The following FOXN3 variants were observed in gnomAD, a reference collection of about 807,000 sequenced individuals.
FOXN3 encodes forkhead box N3, also known as forkhead box protein N3.
Under a neutral mutation model 38.4 loss-of-function variants are expected in FOXN3, and 7 were observed. The observed-to-expected ratio is 0.18, with a 90% CI of 0.10 to 0.34. The LOEUF is 0.34. FOXN3 is among the 10% of genes least tolerant of loss of function. The pLI, the probability that FOXN3 is intolerant of heterozygous loss-of-function variation, is 1.00. For synonymous variants in FOXN3, 230 were observed against 242.2 expected, an observed-to-expected ratio of 0.95 and a Z score of 0.47; for missense variants, 456 against 613.4, an observed-to-expected ratio of 0.74 and a Z score of 2.71.
At chr14:89,545,977 T>A (rs1894873843) in intron 1 of FOXN3, among the ~76,000 whole-genome samples, 1 of 152,250 alleles carries the variant, frequency 6.6e-6, no homozygotes, top group African/African-American at 2.4e-5. Flanking sequence ...CGTGCAGTCC[T>A]AGGTTCTTAT....
intron 2 of FOXN3, among the ~76,000 whole-genome samples, chr14:89,392,287 G>A (rs1382937471): frequency 6.6e-6 from 1 of 152,156 alleles, no homozygotes; most frequent in Non-Finnish European, 1.5e-5. Context: ...ATATTCCTAA[G>A]TACCTTCCAT....
intron 3 of FOXN3, among the ~76,000 whole-genome samples, chr14:89,305,769 T>C (rs1216803641): frequency 6.6e-6 from 1 of 152,240 alleles, no homozygotes; most frequent in African/African-American, 2.4e-5. Flanking sequence ...GAATGATTCT[T>C]ATTAAACGGA....
At chr14:89,313,414 T>C (rs1286400325) in intron 3 of FOXN3, among the ~76,000 whole-genome samples, 1 of 152,074 alleles carries the variant, frequency 6.6e-6, no homozygotes, top group East Asian at 1.9e-4. Context: ...GAAAATTAGC[T>C]GGGCGTGGTG....
At chr14:89,356,006 T>G (rs563380998) in intron 2 of FOXN3, among the ~76,000 whole-genome samples, 12 of 144,010 alleles carry the variant, frequency 8.3e-5, no homozygotes, top group Non-Finnish European at 1.5e-4. Context: ...GGATAGCCTG[T>G]AACAATTTCA....
chr14:89,465,836 A>C (rs574981166), intron 1 of FOXN3, among the ~76,000 whole-genome samples: 1 of 152,398 alleles, frequency 6.6e-6, no homozygotes, highest in African/African-American at 2.4e-5. Flanking sequence ...TTCTAGATGC[A>C]GTAAGCTAGG....
intron 3 of FOXN3, among the ~76,000 whole-genome samples, chr14:89,316,006 C>A (rs1887707846): frequency 6.6e-6 from 1 of 152,188 alleles, no homozygotes; most frequent in South Asian, 2.1e-4. Context: ...ACTACTGCAG[C>A]AATGGCCCAT....
chr14:89,415,888 TTTTG>T (rs1450598236), intron 1 of FOXN3, among the ~76,000 whole-genome samples: 1 of 107,014 alleles, frequency 9.3e-6, no homozygotes, highest in East Asian at 2.8e-4. Context: ...ACACACCCTC[TTTTG>T]TTTTTTTTAT....
intron 1 of FOXN3, among the ~76,000 whole-genome samples, chr14:89,414,073 G>A (rs141394218): frequency 0.062 from 9,424 of 152,102 alleles, 401 homozygotes; most frequent in Middle Eastern, 0.11. Flanking sequence ...CCATCACTTT[G>A]GGAGTCTGAG....
chr14:89,517,861 C>A (rs1894236940), intron 1 of FOXN3, among the ~76,000 whole-genome samples: 1 of 152,162 alleles, frequency 6.6e-6, no homozygotes, highest in Non-Finnish European at 1.5e-5. Flanking sequence ...TCAAAGACAG[C>A]CCGTGTGTAT....
rs1433667046 is a variant in FOXN3, at chr14:89,156,263, AGT to A, written c.*6149_*6150del. The stretch of plus-strand genomic sequence containing the variant: ...AAACTTTATGGTAGGTCTGGGGAAA[AGT>A]GTTATTTACAATAAATGATGAAATA... On this transcript the variant is annotated 3_prime_UTR_variant, in exon 6 of 6. Coordinates refer to ENST00000557258, the MANE Select transcript of FOXN3 (RefSeq NM_005197.4). The A allele has an allele frequency of 2.0e-5, 3 of 152,656 alleles. No individual in the cohort carries two copies. The highest frequency in any genetic ancestry group is 7.2e-5 in the African/African-American group (3 of 41,444). 9.5% of individuals were successfully genotyped at this position (152,656 alleles called of 1,614,324 possible).
intron 3 of FOXN3, among the ~76,000 whole-genome samples, chr14:89,284,990 G>A (rs1886577215): frequency 6.6e-6 from 1 of 152,122 alleles, no homozygotes; most frequent in Non-Finnish European, 1.5e-5. Flanking sequence ...TCAACAGGTC[G>A]GACAGCCTGA....
At chr14:89,236,770 G>A (rs1394263149) in intron 4 of FOXN3, among the ~76,000 whole-genome samples, 1 of 152,208 alleles carries the variant, frequency 6.6e-6, no homozygotes, top group Non-Finnish European at 1.5e-5. Flanking sequence ...AAAGCCTCTA[G>A]TTTTCTGGCC....
intron 4 of FOXN3, among the ~76,000 whole-genome samples, chr14:89,258,469 C>A (rs530084642): frequency 6.6e-6 from 1 of 152,244 alleles, no homozygotes; most frequent in South Asian, 2.1e-4. Flanking sequence ...TGGTGAGGCT[C>A]AAGTGAAGGC....
chr14:89,364,936 C>T (rs940856627), intron 2 of FOXN3, among the ~76,000 whole-genome samples: 1 of 152,166 alleles, frequency 6.6e-6, no homozygotes, highest in Non-Finnish European at 1.5e-5. Flanking sequence ...TGTGCTTATG[C>T]GTGTTTGAAT....
chr14:89,227,935 G>A (rs1217635091), intron 4 of FOXN3, among the ~76,000 whole-genome samples: 1 of 152,158 alleles, frequency 6.6e-6, no homozygotes, highest in Non-Finnish European at 1.5e-5. Flanking sequence ...CTTTTGTAGA[G>A]ATGGGGTCTC....
At chr14:89,488,978 G>A (rs1893512288) in intron 1 of FOXN3, among the ~76,000 whole-genome samples, 1 of 152,170 alleles carries the variant, frequency 6.6e-6, no homozygotes, top group Non-Finnish European at 1.5e-5. Context: ...GATCAAGTTG[G>A]TATGGCATTG....
intron 4 of FOXN3, among the ~76,000 whole-genome samples, chr14:89,203,335 C>T (rs1038561379): frequency 6.6e-6 from 1 of 152,214 alleles, no homozygotes; most frequent in Non-Finnish European, 1.5e-5. Context: ...GCAGAATTCC[C>T]TCCCTTTGCT....
At chr14:89,380,194 C>T (rs1435002577) in intron 2 of FOXN3, among the ~76,000 whole-genome samples, 1 of 152,212 alleles carries the variant, frequency 6.6e-6, no homozygotes, top group Non-Finnish European at 1.5e-5. Context: ...ATATGTCTCA[C>T]AAGATCTGAC....
intron 1 of FOXN3, among the ~76,000 whole-genome samples, chr14:89,534,336 A>T (rs1022857236): frequency 2.6e-5 from 4 of 152,068 alleles, no homozygotes; most frequent in African/African-American, 9.7e-5. Context: ...AACTGACCTC[A>T]GGTGATCCAC....
Sources: gnomAD v4.1 joint callset for allele counts (sites outside exome capture counted in the v4.1 genomes callset) on GRCh38, gnomAD v4.1.1 for gene constraint, MANE v1.5 for transcripts, NCBI Gene and HGNC (gene_info 2026-07-23, HGNC 2026-07-21) for gene names.